NDUFA5: variants seen among roughly 807,000 people sequenced by gnomAD.
The protein encoded by NDUFA5 is NADH dehydrogenase [ubiquinone] 1 alpha subcomplex subunit 5.
NDUFA5 carries 11 observed loss-of-function variants against 19.8 expected under a neutral mutation model. That is an observed-to-expected ratio of 0.56 (90% confidence interval 0.35 to 0.92). The LOEUF is 0.92. Ranked by LOEUF, NDUFA5 falls within the 40% of genes least tolerant of loss-of-function variation. NDUFA5 has a pLI of 0.01. For missense variants in NDUFA5, 109 were observed against 134.2 expected (o/e 0.81, Z 0.93); for synonymous variants, 47 against 46.8 (o/e 1.00, Z -0.01).
the NDUFA5 span, among the ~76,000 whole-genome samples, chr7:123,597,343 G>C: frequency 6.6e-6 from 1 of 152,162 alleles, no homozygotes; most frequent in Non-Finnish European, 1.5e-5. Context: ...TTTATTTAAT[G>C]ATGGCTGCAA....
chr7:123,546,719 C>G, intron 3 of NDUFA5: 1 of 1,285,504 alleles, frequency 7.8e-7, no homozygotes, highest in Non-Finnish European at 1.0e-6. Context: ...CTGGATGGCC[C>G]AGGGTATCTG....
the NDUFA5 span, among the ~76,000 whole-genome samples, chr7:123,588,576 T>A: frequency 6.6e-6 from 1 of 150,986 alleles, no homozygotes; most frequent in Non-Finnish European, 1.5e-5. Flanking sequence ...CCTTCCTTCC[T>A]CCCTTCCTTC....
the NDUFA5 span, among the ~76,000 whole-genome samples, chr7:123,565,524 C>T: frequency 6.6e-6 from 1 of 152,036 alleles, no homozygotes; most frequent in African/African-American, 2.4e-5. Flanking sequence ...CTCTGGGGAA[C>T]CATAATACAA....
At chr7:123,561,292 T>C (rs919142593), upstream of NDUFA5, among the ~76,000 whole-genome samples, 2 of 152,246 alleles carry the variant, frequency 1.3e-5, no homozygotes, top group Non-Finnish European at 2.9e-5. Context: ...ATTTATAAAA[T>C]ATTATAAAGA....
intron 4 of NDUFA5, among the ~76,000 whole-genome samples, chr7:123,545,131 T>G (rs867261123): frequency 6.6e-6 from 1 of 152,132 alleles, no homozygotes; most frequent in African/African-American, 2.4e-5. Flanking sequence ...AGGGTTAGTA[T>G]TTGGGAAATA....
chr7:123,568,767 T>C, the NDUFA5 span, among the ~76,000 whole-genome samples: 1 of 152,208 alleles, frequency 6.6e-6, no homozygotes, highest in Admixed American at 6.5e-5. Flanking sequence ...GATGAGAATA[T>C]ACAAATCAAC....
At chr7:123,551,916 TCA>T (rs1364463658) in intron 2 of NDUFA5, among the ~76,000 whole-genome samples, 4 of 152,186 alleles carry the variant, frequency 2.6e-5, no homozygotes, top group Non-Finnish European at 5.9e-5. Flanking sequence ...CAAAAATGTA[TCA>T]GTGTCTAGAG....
At position 123,540,959 on chromosome 7, in the gene NDUFA5, T is replaced by A. The variant is rs1168872419; in HGVS notation, c.*1160A>T. On this transcript the variant is annotated 3_prime_UTR_variant, in exon 5 of 5. Transcript: ENST00000355749. ...ACGTATACACAAAACCCCACAAGAG[T>A]ATAGTACTATCTATGAAGGAAAGAG... 6.9e-6 allele frequency: 1 copy of A among 145,632 alleles called. No individual in the cohort carries two copies. The highest frequency in any genetic ancestry group is 1.5e-5 in the Non-Finnish European group (1 of 66,866). The allele number at this position is 145,632 out of a possible 1,614,324, so 9.0% of individuals were successfully genotyped here. A position where few individuals can be genotyped will look rare whatever the true frequency, so the allele number is the denominator to read the frequency against.
At chr7:123,599,676 C>T in the NDUFA5 span, among the ~76,000 whole-genome samples, 1 of 152,194 alleles carries the variant, frequency 6.6e-6, no homozygotes. Context: ...CTTCTAACAC[C>T]GTGCTTCAAC....
chr7:123,591,084 A>G, the NDUFA5 span, among the ~76,000 whole-genome samples: 11 of 151,906 alleles, frequency 7.2e-5, no homozygotes, highest in African/African-American at 2.4e-4. Context: ...GTTCACTCAT[A>G]ATTTGGCTCT....
At chr7:123,553,167 G>A (rs944364951) in intron 2 of NDUFA5, among the ~76,000 whole-genome samples, 19 of 152,234 alleles carry the variant, frequency 1.2e-4, no homozygotes, top group Non-Finnish European at 2.4e-4. Context: ...AGGTACTATC[G>A]AGTGTACTTA....
the NDUFA5 span, among the ~76,000 whole-genome samples, chr7:123,589,550 T>G: frequency 6.6e-6 from 1 of 152,038 alleles, no homozygotes; most frequent in Non-Finnish European, 1.5e-5. Flanking sequence ...AACTCTCACT[T>G]ATGAGTGAGA....
chr7:123,582,276 G>A, the NDUFA5 span, among the ~76,000 whole-genome samples: 72 of 151,976 alleles, frequency 4.7e-4, no homozygotes, highest in Non-Finnish European at 9.3e-4. Flanking sequence ...GGGAGATGGG[G>A]AGGGGGGGTT....
intron 2 of NDUFA5, among the ~76,000 whole-genome samples, chr7:123,552,004 T>C (rs1223655537): frequency 6.6e-6 from 1 of 152,162 alleles, no homozygotes; most frequent in Non-Finnish European, 1.5e-5. Context: ...ACACTTAGTT[T>C]ATCATCCAAA....
chr7:123,580,357 T>G, the NDUFA5 span, among the ~76,000 whole-genome samples: 1 of 152,024 alleles, frequency 6.6e-6, no homozygotes, highest in Admixed American at 6.6e-5. Flanking sequence ...GTTGCTTGAG[T>G]CAGTGAGTGA....
At chr7:123,586,820 G>A in the NDUFA5 span, among the ~76,000 whole-genome samples, 13 of 151,556 alleles carry the variant, frequency 8.6e-5, no homozygotes, top group African/African-American at 3.1e-4. Flanking sequence ...TTTCCTCATT[G>A]TGTATTTTTT....
At chr7:123,589,312 T>TATTATTATTATTATC in the NDUFA5 span, among the ~76,000 whole-genome samples, 2 of 149,842 alleles carry the variant, frequency 1.3e-5, no homozygotes, top group Admixed American at 6.7e-5. Context: ...TTATTATTAT[T>TATTATTATTATTATC]ATTATTATTA....
At chr7:123,554,520 AAAG>A (rs760901233) in intron 2 of NDUFA5, among the ~76,000 whole-genome samples, 20 of 140,342 alleles carry the variant, frequency 1.4e-4, no homozygotes, top group Non-Finnish European at 2.3e-4. Context: ...TGTGCCGTTC[AAAG>A]TAGTGTGGTG....
chr7:123,550,719 T>A, intron 2 of NDUFA5, 133 bp from the exon 3 acceptor site: 1 of 598,748 alleles, frequency 1.7e-6, no homozygotes, highest in Admixed American at 3.2e-5. Context: ...TTAATTTAAC[T>A]CTTCTTTGCT....
Sources: allele counts gnomAD v4.1 joint callset (sites outside exome capture counted in the v4.1 genomes callset), GRCh38; gene constraint gnomAD v4.1.1; transcripts MANE v1.5; gene names NCBI Gene and HGNC (gene_info 2026-07-23, HGNC 2026-07-21).